Variants in CHD9 observed in about 807,000 individuals in gnomAD.
CHD9 encodes chromodomain helicase DNA binding protein 9.
Under a neutral mutation model 316.1 loss-of-function variants are expected in CHD9, and 77 were observed. That is an observed-to-expected ratio of 0.24 (90% CI 0.20 to 0.29). CHD9 has a LOEUF of 0.29. Among genes scored for constraint, CHD9 ranks in the 10% least tolerant of loss-of-function variants. The probability of loss-of-function intolerance (pLI) is 1.00; values close to 1 mark genes in which losing one functional copy is unlikely to be tolerated. For missense variants in CHD9, 2,763 were observed against 3,438.1 expected (o/e 0.80, Z 4.91); for synonymous variants, 1,129 against 1,158.3 (o/e 0.97, Z 0.51).
In CHD9 at chr16:53,136,472, T is replaced by A. The variant is rs543112744; in HGVS notation, c.-164-19454T>A. On this transcript the variant is annotated intron_variant, in intron 1 of 38. Transcript: ENST00000447540. ...GAAAAAATGATATTTTTTGATTCTG[T>A]CTTTGCAATGTTTATCTTTAAAATG... 2.0e-5 allele frequency among the ~76,000 whole-genome samples: 3 copies of A among 152,190 alleles called. No individual in the cohort carries two copies. The South Asian group carries it at 6.2e-4, about 32-fold the overall frequency.
intron 36 of CHD9, among the ~76,000 whole-genome samples, chr16:53,317,476 A>G (rs936030088): frequency 3.9e-5 from 6 of 152,076 alleles, no homozygotes; most frequent in African/African-American, 1.4e-4. Context: ...TTATTGCTAG[A>G]TATGAGTTGT....
chr16:53,264,663 G>A (rs1454380502), intron 20 of CHD9, among the ~76,000 whole-genome samples: 1 of 152,286 alleles, frequency 6.6e-6, no homozygotes, highest in East Asian at 1.9e-4. Context: ...GGCAGAGAAT[G>A]CTGGAGAAGT....
At chr16:53,287,866 A>G in intron 26 of CHD9, 91 bp from the exon 27 acceptor site, 1 of 1,073,666 alleles carries the variant, frequency 9.3e-7, no homozygotes, top group Non-Finnish European at 1.4e-6. Flanking sequence ...GACTTTTAAA[A>G]CAAACTAAAA....
chr16:53,078,651 C>G lies in CHD9; in HGVS notation c.-165+23574C>G, dbSNP rs1422527469. On this transcript the variant is annotated intron_variant, in intron 1 of 38. Coordinates refer to ENST00000447540, the MANE Select transcript of CHD9 (RefSeq NM_001308319.2). ...ATCTTTTAAAAGAAAATAAAATGAG[C>G]CACATCTGGCATAGTCAACTTGGAC... Among the ~76,000 whole-genome samples, 4 of 152,098 alleles carry G rather than the reference C, an allele frequency of 2.6e-5. No individual in the cohort carries two copies. In the South Asian group the frequency reaches 6.2e-4, roughly 24 times the overall value.
At chr16:53,282,113 T>C (rs1296217389) in intron 24 of CHD9, among the ~76,000 whole-genome samples, 1 of 152,166 alleles carries the variant, frequency 6.6e-6, no homozygotes, top group Admixed American at 6.5e-5. Context: ...CTGCTCTCTG[T>C]GGATTGTACC....
rs191892628 is a variant in CHD9 at position 53,292,822 on chromosome 16, T to C, written c.5291-11T>C. 10,696 of 1,602,532 alleles carry C rather than the reference T, an allele frequency of 6.7e-3. 72 individuals are homozygous for C. Among genetic ancestry groups the C allele is most frequent in the South Asian group, 0.016 (1,433 of 90,824 alleles). On this transcript the variant is annotated splice_polypyrimidine_tract_variant and intron_variant, in intron 28 of 38. Coordinates refer to ENST00000447540, the MANE Select transcript of CHD9 (RefSeq NM_001308319.2). ...GTTTAGTTATTATTACTATTACTTA[T>C]TTAACTATAGATGGTCAACTGATGG... is the stretch of plus-strand genomic sequence containing the variant.
rs572213891 is a variant in CHD9 at position 53,084,708 on chromosome 16, A to T, written c.-165+29631A>T. ...CAGTGAGCTGAGATCACGCCACTGC[A>T]CTCCAGCCTGGCAACAGAGTGAGAC... is the stretch of plus-strand genomic sequence containing the variant. On this transcript the variant is annotated intron_variant, in intron 1 of 38. Coordinates refer to ENST00000447540, the MANE Select transcript of CHD9 (RefSeq NM_001308319.2). Among the ~76,000 whole-genome samples, 7 of 152,312 alleles carry T rather than the reference A, an allele frequency of 4.6e-5. No individual in the cohort carries two copies. In the East Asian group the frequency reaches 1.4e-3, roughly 29 times the overall value.
intron 15 of CHD9, among the ~76,000 whole-genome samples, chr16:53,246,500 G>GTTT (rs1165304554): frequency 2.8e-5 from 4 of 141,314 alleles, no homozygotes; most frequent in Admixed American, 6.9e-5. Flanking sequence ...CTTTTTCTGT[G>GTTT]TTTTTTTGTT....
At chr16:53,094,364 G>A (rs2036206649) in intron 1 of CHD9, among the ~76,000 whole-genome samples, 1 of 152,162 alleles carries the variant, frequency 6.6e-6, no homozygotes, top group Non-Finnish European at 1.5e-5. Context: ...AAGACCCAGG[G>A]AGAGGACACC....
intron 1 of CHD9, among the ~76,000 whole-genome samples, chr16:53,079,342 A>G (rs1489009473): frequency 6.6e-6 from 1 of 152,162 alleles, no homozygotes; most frequent in East Asian, 1.9e-4. Flanking sequence ...TGCTCACACA[A>G]TGTTTGTTGG....
At chr16:53,204,052 TATATATACACACAC>T (rs1472777004) in intron 2 of CHD9, among the ~76,000 whole-genome samples, 1 of 82,386 alleles carries the variant, frequency 1.2e-5, no homozygotes, top group Non-Finnish European at 2.6e-5. Flanking sequence ...AAAAAAAATA[TATATATACACACAC>T]ACACACACAC....
intron 36 of CHD9, among the ~76,000 whole-genome samples, chr16:53,317,295 G>T (rs1236656306): frequency 6.6e-6 from 1 of 152,038 alleles, no homozygotes; most frequent in African/African-American, 2.4e-5. Flanking sequence ...CAGAAGAGGT[G>T]AATTGAATAG....
intron 3 of CHD9, among the ~76,000 whole-genome samples, chr16:53,221,359 G>A (rs1446505761): frequency 3.9e-5 from 6 of 152,168 alleles, no homozygotes. Context: ...TTTTCAAAGT[G>A]CATGCTCTTA....
intron 8 of CHD9, 56 bp from the exon 9 acceptor site, chr16:53,231,363 A>C: frequency 1.0e-6 from 1 of 991,504 alleles, no homozygotes; most frequent in Non-Finnish European, 1.6e-6. Flanking sequence ...ATTCGTCCTT[A>C]CTTTTATCAT....
intron 34 of CHD9, 118 bp downstream of exon 34, chr16:53,308,972 A>G (rs2056231941): frequency 1.4e-6 from 1 of 703,968 alleles, no homozygotes; most frequent in Non-Finnish European, 2.2e-6. Flanking sequence ...TCTTAAGCCT[A>G]TAAAGTAATC....
Position 53,247,354 on chromosome 16 carries a change from T to C in CHD9, c.3516T>C (p.Phe1172=). The change falls in exon 16 of 39, where the codon TTT becomes TTC. Residue 1172 remains phenylalanine (F), a synonymous_variant. Transcript: ENST00000447540. The part of the protein sequence containing the change: ...RDTYNPAASD[F]HLQAMIQSAG... ...CTTACAATCCAGCTGCTTCTGATTT[T>C]CATCTTCAAGCAATGATCCAGTCTG... is the stretch of plus-strand genomic sequence containing the variant. The C allele has an allele frequency of 6.2e-7, 1 of 1,607,698 alleles. No individual in the cohort carries two copies. The highest frequency in any genetic ancestry group is 8.5e-7 in the Non-Finnish European group (1 of 1,176,548).
intron 1 of CHD9, among the ~76,000 whole-genome samples, chr16:53,085,808 A>G (rs1325906553): frequency 6.6e-6 from 1 of 152,172 alleles, no homozygotes; most frequent in Non-Finnish European, 1.5e-5. Flanking sequence ...CTTTTCTGTG[A>G]GTTGCTCCTC....
chr16:53,160,661 C>T (rs1266059165), intron 2 of CHD9, among the ~76,000 whole-genome samples: 1 of 152,140 alleles, frequency 6.6e-6, no homozygotes, highest in African/African-American at 2.4e-5. Flanking sequence ...AATCCCAGAA[C>T]TTTGGGAGGC....
Position 53,245,735 on chromosome 16 carries a change from C to T in CHD9, c.3339C>T (p.Ile1113=), listed in dbSNP as rs927575826. 1 of 1,611,460 alleles carries T rather than the reference C, an allele frequency of 6.2e-7. No individual in the cohort carries two copies. ...TNIQKKYYRA[I]LEKNFSFLSK... is the part of the protein sequence containing the mutation. Reference sequence around the variant, plus strand: ...TTCAAAAGAAATACTACCGGGCTATCTTGGAAAAGAACTTTTCTTTTTTAT... The same window carrying T: ...TTCAAAAGAAATACTACCGGGCTATTTTGGAAAAGAACTTTTCTTTTTTAT... Residue 1113 remains isoleucine (I), a synonymous_variant, in exon 15 of 39, where the codon ATC becomes ATT. Coordinates refer to ENST00000447540, the MANE Select transcript of CHD9 (RefSeq NM_001308319.2). The surrounding 1 kb of genome is among the most constrained non-coding windows in gnomAD (Gnocchi z 4.1).
Sources: allele counts gnomAD v4.1 joint callset (sites outside exome capture counted in the v4.1 genomes callset), GRCh38; gene constraint gnomAD v4.1.1; non-coding constraint Gnocchi (gnomAD v3.1); transcripts MANE v1.5; gene names NCBI Gene and HGNC (gene_info 2026-07-23, HGNC 2026-07-21).